REEP1: variants seen among roughly 807,000 people sequenced by gnomAD.
REEP1 encodes the protein receptor accessory protein 1.
Under a neutral mutation model 40.3 loss-of-function variants are expected in REEP1, and 22 were observed. The ratio of observed to expected loss-of-function variants is 0.55; its 90% CI spans 0.39 to 0.78. The LOEUF (loss-of-function observed/expected upper bound fraction) is 0.78, where lower values mean the gene tolerates loss of function less well. REEP1 is among the 30% of genes least tolerant of loss of function. REEP1 has a pLI of 0.00. For synonymous variants in REEP1, 116 were observed against 139.2 expected, an observed-to-expected ratio of 0.83 and a Z score of 1.17; for missense variants, 280 against 361.1, an observed-to-expected ratio of 0.78 and a Z score of 1.82.
chr2:86,316,844 A>G (rs1201256622), intron 1 of REEP1, among the ~76,000 whole-genome samples: 3 of 152,210 alleles, frequency 2.0e-5, no homozygotes, highest in Non-Finnish European at 4.4e-5. Context: ...GGGGGACAAG[A>G]GTGAAACTCC....
intron 1 of REEP1, among the ~76,000 whole-genome samples, chr2:86,335,533 A>AC (rs936912978): frequency 1.3e-5 from 2 of 151,848 alleles, no homozygotes; most frequent in African/African-American, 4.8e-5. Flanking sequence ...TCTCCTCTCC[A>AC]CCCCCATCAG....
intron 1 of REEP1, among the ~76,000 whole-genome samples, chr2:86,335,848 CT>C (rs566429734): frequency 5.1e-4 from 20 of 38,886 alleles, no homozygotes; most frequent in Admixed American, 4.9e-3. Context: ...GAGACTCGGT[CT>C]CAAAAAAAAA....
intron 5 of REEP1, among the ~76,000 whole-genome samples, chr2:86,242,463 T>C (rs879412533): frequency 6.6e-5 from 10 of 152,110 alleles, no homozygotes; most frequent in Non-Finnish European, 1.2e-4. Context: ...AGAGGCCAGT[T>C]CTACCTGGGA....
At chr2:86,275,360 TTCTTGATGCTCTGGCA>T (rs1400304072) in intron 2 of REEP1, among the ~76,000 whole-genome samples, 4 of 152,240 alleles carry the variant, frequency 2.6e-5, no homozygotes, top group African/African-American at 9.6e-5. Context: ...ATTTTCTATA[TTCTTGATGCTCTGGCA>T]TCTGGGGCCT....
chr2:86,330,364 T>A (rs1680708431), intron 1 of REEP1, among the ~76,000 whole-genome samples: 1 of 151,778 alleles, frequency 6.6e-6, no homozygotes, highest in South Asian at 2.1e-4. Flanking sequence ...CATCTCCAGG[T>A]GCAGGTACTT....
chr2:86,309,425 G>T (rs1335847258), intron 1 of REEP1, among the ~76,000 whole-genome samples: 1 of 152,224 alleles, frequency 6.6e-6, no homozygotes, highest in Non-Finnish European at 1.5e-5. Flanking sequence ...TGCTCTTCAT[G>T]TAAACTGCTC....
chr2:86,220,135 T>TTGCAAAGGA lies in REEP1; in HGVS notation c.632-15_632-14insTCCTTTGCA. On this transcript the variant is annotated splice_polypyrimidine_tract_variant and intron_variant, in intron 7 of 8. Coordinates refer to ENST00000538924, the MANE Select transcript of REEP1 (RefSeq NM_001371279.1). ...CTCCCTCAACCACTTAATGTCCATT[T>TTGCAAAGGA]ACAATCTACACAGATGAGACAAGGT... 8.1e-7 allele frequency: 1 copy of TTGCAAAGGA among 1,230,496 alleles called. No homozygotes were observed. 76.2% of individuals were successfully genotyped at this position (1,230,496 alleles called of 1,614,324 possible). A position where few individuals can be genotyped will look rare whatever the true frequency, so the allele number is the denominator to read the frequency against.
At chr2:86,217,251 C>T in intron 8 of REEP1, 141 bp from the exon 9 acceptor site, 1 of 731,718 alleles carries the variant, frequency 1.4e-6, no homozygotes, top group Non-Finnish European at 2.5e-6. Flanking sequence ...CTCCCTGAAT[C>T]TCCGCAACAG....
At chr2:86,256,305 G>A (rs1199403377) in intron 3 of REEP1, among the ~76,000 whole-genome samples, 5 of 145,332 alleles carry the variant, frequency 3.4e-5, no homozygotes, top group East Asian at 4.1e-4. Context: ...CCGAGATCGC[G>A]CCACTGCACT....
At position 86,260,174 on chromosome 2, in the gene REEP1, G is replaced by T. The variant is rs1676781836; in HGVS notation, c.182+3791C>A. Among the ~76,000 whole-genome samples, 3 of 152,148 alleles carry T rather than the reference G, an allele frequency of 2.0e-5. No individual in the cohort carries two copies. The South Asian group carries it at 6.2e-4, about 32-fold the overall frequency. ...CTAGGATCTATGACACCTGGAGGTT[G>T]GGAGAAAAAGAGAAAGCAGGGTGAG... On this transcript the variant is annotated intron_variant, in intron 3 of 8. Coordinates refer to ENST00000538924, the MANE Select transcript of REEP1 (RefSeq NM_001371279.1).
intron 2 of REEP1, among the ~76,000 whole-genome samples, chr2:86,274,634 A>G (rs555231626): frequency 2.0e-5 from 3 of 152,332 alleles, no homozygotes; most frequent in Admixed American, 6.5e-5. Flanking sequence ...TGTTTGAAAG[A>G]TTCTATCCAA....
chr2:86,308,232 G>A (rs1472018021), intron 1 of REEP1, among the ~76,000 whole-genome samples: 2 of 152,190 alleles, frequency 1.3e-5, no homozygotes, highest in East Asian at 3.8e-4. Context: ...AGTGGTAAAG[G>A]CTGAGCTATT....
intron 1 of REEP1, among the ~76,000 whole-genome samples, chr2:86,323,648 A>G (rs962121258): frequency 6.6e-6 from 1 of 152,210 alleles, no homozygotes. Context: ...CCATCCATGG[A>G]AAAACTGTCT....
intron 2 of REEP1, among the ~76,000 whole-genome samples, chr2:86,278,954 A>G (rs1427377477): frequency 6.6e-6 from 1 of 152,208 alleles, no homozygotes; most frequent in Non-Finnish European, 1.5e-5. Flanking sequence ...GGAAAGACAT[A>G]AGCAGCTATA....
At chr2:86,258,266 C>T (rs913381586) in intron 3 of REEP1, among the ~76,000 whole-genome samples, 1 of 152,214 alleles carries the variant, frequency 6.6e-6, no homozygotes, top group South Asian at 2.1e-4. Context: ...ATAACCCTGG[C>T]CCATGGGCCA....
At chr2:86,229,117 G>C (rs113998084) in intron 6 of REEP1, among the ~76,000 whole-genome samples, 64 of 152,266 alleles carry the variant, frequency 4.2e-4, no homozygotes, top group African/African-American at 1.5e-3. Flanking sequence ...CAAATTCTCT[G>C]GTTTGCTCTC....
At chr2:86,295,557 C>T (rs1678935312) in intron 1 of REEP1, among the ~76,000 whole-genome samples, 1 of 152,216 alleles carries the variant, frequency 6.6e-6, no homozygotes, top group Admixed American at 6.5e-5. Context: ...CGGAGTCTTG[C>T]TCTGTCACCC....
intron 2 of REEP1, among the ~76,000 whole-genome samples, chr2:86,267,299 G>A (rs1263728882): frequency 6.6e-6 from 1 of 152,156 alleles, no homozygotes; most frequent in Non-Finnish European, 1.5e-5. Context: ...AGATCTGATG[G>A]TTTTATAACA....
chr2:86,289,392 AC>A (rs1207429095), intron 1 of REEP1, among the ~76,000 whole-genome samples: 1 of 152,210 alleles, frequency 6.6e-6, no homozygotes. Flanking sequence ...ATGCACCTAT[AC>A]CACGGTGTCT....
Sources: allele counts gnomAD v4.1 joint callset (sites outside exome capture counted in the v4.1 genomes callset), GRCh38; gene constraint gnomAD v4.1.1; transcripts MANE v1.5; gene names NCBI Gene and HGNC (gene_info 2026-07-23, HGNC 2026-07-21).